The following GLMN variants were observed in gnomAD, a reference collection of about 807,000 sequenced individuals.
The protein encoded by GLMN is glomulin.
A neutral mutation model predicts 87.8 loss-of-function variants in GLMN; 75 were observed. The observed-to-expected ratio is 0.85, with a 90% CI of 0.71 to 1.04. GLMN has a LOEUF of 1.04. GLMN is among the 50% of genes least tolerant of loss of function. GLMN has a pLI of 0.00. For synonymous variants in GLMN, 206 were observed against 221.6 expected (o/e 0.93, Z 0.63); for missense variants, 588 against 658.8 (o/e 0.89, Z 1.18).
chr1:92,320,180 G>C, the GLMN span, among the ~76,000 whole-genome samples: 1 of 152,112 alleles, frequency 6.6e-6, no homozygotes, highest in Non-Finnish European at 1.5e-5. Context: ...GGTGGAATTT[G>C]AACTTAACCC....
chr1:92,331,876 C>T, the GLMN span, among the ~76,000 whole-genome samples: 5 of 152,072 alleles, frequency 3.3e-5, no homozygotes, highest in African/African-American at 1.2e-4. Context: ...TTTACTTTCA[C>T]TTTTGAAAGA....
chr1:92,263,882 C>T, intron 14 of GLMN, 150 bp from the exon 15 acceptor site: 1 of 654,912 alleles, frequency 1.5e-6, no homozygotes, highest in South Asian at 1.7e-5. Context: ...TTTCCAGACA[C>T]CAGGAACGAA....
At chr1:92,286,467 C>A in intron 7 of GLMN, 23 bp downstream of exon 7, 1 of 1,039,054 alleles carries the variant, frequency 9.6e-7, no homozygotes, top group East Asian at 2.4e-5. Flanking sequence ...AAGATTATAG[C>A]AGATTAAATT....
chr1:92,275,262 T>A (rs920546392), intron 7 of GLMN, among the ~76,000 whole-genome samples: 17 of 152,212 alleles, frequency 1.1e-4, no homozygotes, highest in Admixed American at 6.5e-4. Flanking sequence ...CTCCTTCACC[T>A]AGAAATCTGA....
At chr1:92,358,479 T>C in the GLMN span, among the ~76,000 whole-genome samples, 1 of 152,204 alleles carries the variant, frequency 6.6e-6, no homozygotes, top group African/African-American at 2.4e-5. Context: ...ACTATATACT[T>C]TTCTTTCTTA....
In GLMN at chr1:92,264,567, T is replaced by G. The variant is rs1655400505; in HGVS notation, c.1286A>C (p.Asp429Ala). ...FIIQNIKNQI[D>A]MSLKRTRNNK... The stretch of plus-strand genomic sequence containing the variant: ...CTATGTTCTTACCTTTAATGACATG[T>G]CAATTTGATTTTTGATATTTTGAAT... The change falls in exon 14 of 19, where the codon GAC (aspartate) becomes GCC (alanine). Residue 429 changes from aspartate to alanine, a missense_variant. By Grantham distance (126) the Asp-to-Ala change is moderately radical (BLOSUM62 -2). Transcript: ENST00000370360. The G allele has an allele frequency of 6.6e-7, 1 of 1,526,412 alleles. No individual in the cohort carries two copies. The highest frequency in any genetic ancestry group is 1.7e-5 in the Admixed American group (1 of 59,888). The allele number at this position is 1,526,412 out of a possible 1,614,324, so 94.6% of individuals were successfully genotyped here.
intron 5 of GLMN, 89 bp from the exon 6 acceptor site, chr1:92,289,240 C>T: frequency 2.5e-6 from 2 of 795,852 alleles, no homozygotes; most frequent in Non-Finnish European, 4.5e-6. Context: ...ACACTTCCTC[C>T]TCCCACATTT....
the GLMN span, chr1:92,363,903 T>C: frequency 2.4e-5 from 4 of 164,324 alleles, no homozygotes; most frequent in African/African-American, 9.6e-5. Context: ...ACATAAAATA[T>C]GTGTTAATCG....
intron 3 of GLMN, among the ~76,000 whole-genome samples, chr1:92,296,878 G>A (rs1407613546): frequency 6.6e-6 from 1 of 152,160 alleles, no homozygotes; most frequent in African/African-American, 2.4e-5. Context: ...GGCTGGAGGA[G>A]AATGGGCTGA....
the GLMN span, among the ~76,000 whole-genome samples, chr1:92,369,166 A>G: frequency 1.3e-5 from 2 of 152,228 alleles, no homozygotes; most frequent in Non-Finnish European, 2.9e-5. Flanking sequence ...TTCTCTGCTG[A>G]TTATTTTAAT....
the GLMN span, among the ~76,000 whole-genome samples, chr1:92,342,385 AAGAGT>A: frequency 1.3e-5 from 2 of 152,204 alleles, no homozygotes; most frequent in African/African-American, 4.8e-5. Context: ...GAGCAGAGGC[AAGAGT>A]AGAGAGATAT....
intron 7 of GLMN, among the ~76,000 whole-genome samples, chr1:92,279,605 G>A (rs1360802463): frequency 6.6e-6 from 1 of 152,122 alleles, no homozygotes; most frequent in Non-Finnish European, 1.5e-5. Context: ...GGGACTGGTT[G>A]GACAGTGGGT....
chr1:92,341,905 C>T, the GLMN span, among the ~76,000 whole-genome samples: 1 of 152,130 alleles, frequency 6.6e-6, no homozygotes, highest in African/African-American at 2.4e-5. Flanking sequence ...GGCCTCCCAA[C>T]GTGCTAGGAT....
At chr1:92,248,827 CCTTTT>C (rs1313588345) in intron 16 of GLMN, among the ~76,000 whole-genome samples, 1 of 152,060 alleles carries the variant, frequency 6.6e-6, no homozygotes, top group African/African-American at 2.4e-5. Flanking sequence ...TCACACCTAT[CCTTTT>C]CATTTCAGTC....
chr1:92,338,338 A>C, the GLMN span, among the ~76,000 whole-genome samples: 2 of 152,248 alleles, frequency 1.3e-5, no homozygotes, highest in Non-Finnish European at 2.9e-5. Flanking sequence ...GCCTTTGCCA[A>C]AAGAGGATTT....
the GLMN span, among the ~76,000 whole-genome samples, chr1:92,334,976 A>G: frequency 6.6e-6 from 1 of 152,254 alleles, no homozygotes; most frequent in East Asian, 1.9e-4. Flanking sequence ...CAACAGAGTG[A>G]GACTCCATCT....
chr1:92,289,178 A>G lies in GLMN; in HGVS notation c.395-27T>C, dbSNP rs377224691. 38 of 1,281,854 alleles carry G rather than the reference A, an allele frequency of 3.0e-5. No individual in the cohort carries two copies. The African/African-American group carries it at 5.1e-4, about 17-fold the overall frequency. The allele number at this position is 1,281,854 out of a possible 1,614,324, so 79.4% of individuals were successfully genotyped here. On this transcript the variant is annotated intron_variant, in intron 5 of 18. Coordinates refer to ENST00000370360, the MANE Select transcript of GLMN (RefSeq NM_053274.3). ...TAAAACAGAGATCAAGTTGTCGCTCATCAAGTATGCTAAACATGGGACAAG... is the reference window on the plus strand; with the variant it reads ...TAAAACAGAGATCAAGTTGTCGCTCGTCAAGTATGCTAAACATGGGACAAG...
intron 6 of GLMN, among the ~76,000 whole-genome samples, chr1:92,288,627 C>A (rs904251565): frequency 1.3e-5 from 2 of 152,018 alleles, no homozygotes; most frequent in African/African-American, 4.8e-5. Flanking sequence ...GGGGGTCTCA[C>A]TATGTTGCCA....
chr1:92,348,670 G>C, the GLMN span, among the ~76,000 whole-genome samples: 1 of 152,088 alleles, frequency 6.6e-6, no homozygotes, highest in African/African-American at 2.4e-5. Context: ...TCAACTGATA[G>C]ACTTTTTTTA....
Sources: allele counts gnomAD v4.1 joint callset (sites outside exome capture counted in the v4.1 genomes callset), GRCh38; gene constraint gnomAD v4.1.1; transcripts MANE v1.5; gene names NCBI Gene and HGNC (gene_info 2026-07-23, HGNC 2026-07-21).